PZP: variants seen among roughly 807,000 people sequenced by gnomAD.
PZP encodes pregnancy zone protein.
Under a neutral mutation model 179.8 loss-of-function variants are expected in PZP, and 150 were observed. The ratio of observed to expected loss-of-function variants is 0.83; its 90% confidence interval spans 0.73 to 0.96. The LOEUF (loss-of-function observed/expected upper bound fraction) is 0.96. Ranked by LOEUF, PZP falls within the 40% of genes least tolerant of loss-of-function variation. The pLI, the probability that PZP is intolerant of heterozygous loss-of-function variation, is 0.00. For missense variants in PZP, 1,689 were observed against 1,764.0 expected (o/e 0.96, Z 0.76); for synonymous variants, 624 against 652.3 (o/e 0.96, Z 0.66).
chr12:9,202,207 G>A, intron 4 of PZP, 112 bp downstream of exon 4: 1 of 996,262 alleles, frequency 1.0e-6, no homozygotes. Flanking sequence ...CTGGAGCCAA[G>A]TTCAAAAACA....
At chr12:9,203,537 T>C (rs1006702159) in intron 2 of PZP, among the ~76,000 whole-genome samples, 1 of 152,028 alleles carries the variant, frequency 6.6e-6, no homozygotes, top group Non-Finnish European at 1.5e-5. Context: ...GAGACGGGGT[T>C]TCATCTTGTT....
the PZP span, among the ~76,000 whole-genome samples, chr12:9,139,683 C>T: frequency 1.3e-5 from 2 of 152,094 alleles, no homozygotes; most frequent in African/African-American, 4.8e-5. Context: ...TATAAAATTT[C>T]CCTTTTGGTC....
the PZP span, among the ~76,000 whole-genome samples, chr12:9,139,103 A>G: frequency 6.6e-6 from 1 of 152,062 alleles, no homozygotes; most frequent in Admixed American, 6.5e-5. Context: ...TTTGCTGAAT[A>G]CCATAATTTT....
intron 19 of PZP, among the ~76,000 whole-genome samples, 198 bp downstream of exon 19, chr12:9,164,941 G>A (rs1023478369): frequency 1.3e-5 from 2 of 152,156 alleles, no homozygotes; most frequent in Non-Finnish European, 2.9e-5. Flanking sequence ...TTAGAGAGCC[G>A]TGATTTAAGC....
At chr12:9,204,484 T>C (rs770261708) in intron 1 of PZP, among the ~76,000 whole-genome samples, 23 of 152,326 alleles carry the variant, frequency 1.5e-4, no homozygotes, top group African/African-American at 5.1e-4. Flanking sequence ...AACACATGTC[T>C]ATATTGCAAA....
At chr12:9,203,464 C>T (rs951428825) in intron 2 of PZP, among the ~76,000 whole-genome samples, 3 of 151,700 alleles carry the variant, frequency 2.0e-5, no homozygotes, top group African/African-American at 7.3e-5. Context: ...GCCTCAGCCT[C>T]CCAGGTAGCT....
In PZP at chr12:9,182,368, C is replaced by T. The variant is rs768629888; in HGVS notation, c.1547-251G>A. Reference sequence around the variant, plus strand: ...CTCACATCTTTTTTATTTGATATTCCACTTAACTGTTGCCTAAATCAATTA... The same window carrying T: ...CTCACATCTTTTTTATTTGATATTCTACTTAACTGTTGCCTAAATCAATTA... On this transcript the variant is annotated intron_variant, in intron 13 of 35. Transcript: ENST00000261336. Among the ~76,000 whole-genome samples, 12 of 152,096 alleles carry T rather than the reference C, an allele frequency of 7.9e-5. No homozygotes were observed. In the South Asian group the frequency reaches 2.5e-3, roughly 32 times the overall value.
intron 10 of PZP, 39 bp from the exon 11 acceptor site, chr12:9,194,277 A>C (rs1250427466): frequency 6.3e-7 from 1 of 1,597,576 alleles, no homozygotes; most frequent in East Asian, 2.2e-5. Context: ...TGTGAACAAC[A>C]CCCAGAGAGG....
chr12:9,153,516 C>T (rs778169080), intron 29 of PZP, among the ~76,000 whole-genome samples, 173 bp from the exon 30 acceptor site: 1 of 152,204 alleles, frequency 6.6e-6, no homozygotes, highest in South Asian at 2.1e-4. Context: ...CAAAATCATG[C>T]TGCAGTTTCT....
At chr12:9,188,272 AATACG>A (rs1357912144) in intron 13 of PZP, among the ~76,000 whole-genome samples, 1 of 152,176 alleles carries the variant, frequency 6.6e-6, no homozygotes, top group Non-Finnish European at 1.5e-5. Flanking sequence ...CAATGACAAA[AATACG>A]ATTATCTTAT....
At chr12:9,177,626 G>A (rs1942480010) in intron 15 of PZP, among the ~76,000 whole-genome samples, 1 of 152,158 alleles carries the variant, frequency 6.6e-6, no homozygotes, top group Non-Finnish European at 1.5e-5. Context: ...AATTAAATAG[G>A]TACATAAATG....
chr12:9,149,466 A>T, intron 35 of PZP, 95 bp downstream of exon 35: 2 of 1,258,270 alleles, frequency 1.6e-6, no homozygotes, highest in East Asian at 4.7e-5. Context: ...ATTGTCTCAG[A>T]TGTAGGAAAA....
At position 9,203,834 on chromosome 12, in the gene PZP, C is replaced by G. The variant is rs1333665238; in HGVS notation, c.201G>C (p.Arg67Ser). 6.2e-7 allele frequency: 1 copy of G among 1,614,100 alleles called. No homozygotes were observed. The highest frequency in any genetic ancestry group is 8.5e-7 in the Non-Finnish European group (1 of 1,180,002). ...GGTCAGTGAAGAGGCTCCTGTTTTCCCTGCCAGACTCCAAGGAAGCACTTA... is the reference window on the plus strand; with the variant it reads ...GGTCAGTGAAGAGGCTCCTGTTTTCGCTGCCAGACTCCAAGGAAGCACTTA... Reference protein sequence around the residue: ...VTVSASLESGRENRSLFTDLV... With the variant: ...VTVSASLESGSENRSLFTDLV... Residue 67 changes from arginine to serine, a missense_variant, in exon 2 of 36, where the codon AGG (arginine) becomes AGC (serine). By Grantham distance (110) the Arg-to-Ser change is moderately radical. Transcript: ENST00000261336.
rs766170175 is a variant in PZP at position 9,202,378 on chromosome 12, A to C, written c.428-7T>G. On this transcript the variant is annotated splice_region_variant and splice_polypyrimidine_tract_variant and intron_variant, in intron 3 of 35. Coordinates refer to ENST00000261336, the MANE Select transcript of PZP (RefSeq NM_002864.3). ...GAGACAACACGGAATCTTACTGGAA[A>C]AGTAGTTCTCCGATAAGATTCAGAC... 8.1e-6 allele frequency: 13 copies of C among 1,614,034 alleles called. No individual in the cohort carries two copies. The Admixed American group carries it at 1.2e-4, about 14-fold the overall frequency.
At chr12:9,182,907 T>G (rs1942863346) in intron 13 of PZP, among the ~76,000 whole-genome samples, 1 of 152,206 alleles carries the variant, frequency 6.6e-6, no homozygotes, top group Non-Finnish European at 1.5e-5. Context: ...TTTCCATGTC[T>G]TCCTTTTCTC....
intron 13 of PZP, among the ~76,000 whole-genome samples, chr12:9,190,954 TGAA>T (rs1333422270): frequency 2.0e-5 from 3 of 152,172 alleles, no homozygotes; most frequent in Non-Finnish European, 4.4e-5. Context: ...AATTCTTTGG[TGAA>T]GAGTAAATCG....
chr12:9,146,252 C>T (rs1016698904), downstream of PZP, among the ~76,000 whole-genome samples: 12 of 151,376 alleles, frequency 7.9e-5, no homozygotes, highest in African/African-American at 2.9e-4. Flanking sequence ...GAACTACTTC[C>T]AATGACTGGT....
At position 9,181,075 on chromosome 12, in the gene PZP, C is replaced by G; in HGVS notation, c.1747G>C (p.Val583Leu). 1 of 1,614,192 alleles carries G rather than the reference C, an allele frequency of 6.2e-7. No homozygotes were observed. Among genetic ancestry groups the G allele is most frequent in the African/African-American group, 1.3e-5 (1 of 75,060 alleles). ...SPPASHAHLQ[V>L]AAAPQSLCAL... is the part of the protein sequence containing the mutation. Reference sequence around the variant, plus strand: ...CAGAGGGACTGCGGAGCAGCTGCTACTTGCAGGTGGGCATGTGAGGCTGGG... The same window carrying G: ...CAGAGGGACTGCGGAGCAGCTGCTAGTTGCAGGTGGGCATGTGAGGCTGGG... Residue 583 changes from valine (V) to leucine (L), a missense_variant, in exon 15 of 36, where the codon GTA becomes CTA. This residue lies in a region of PZP where 742 missense variants were observed against 730.5 expected (regional missense o/e 1.02). Transcript: ENST00000261336.
intron 1 of PZP, among the ~76,000 whole-genome samples, chr12:9,204,637 C>G (rs764969663): frequency 6.6e-6 from 1 of 152,188 alleles, no homozygotes; most frequent in Non-Finnish European, 1.5e-5. Context: ...CTCCCTGCTA[C>G]ACACACACTA....
Sources: gnomAD v4.1 joint callset for allele counts (sites outside exome capture counted in the v4.1 genomes callset) on GRCh38, gnomAD v4.1.1 for gene constraint, gnomAD v4.1.1 regional missense constraint, MANE v1.5 for transcripts, NCBI Gene and HGNC (gene_info 2026-07-23, HGNC 2026-07-21) for gene names.